CYP4F3: variants seen among roughly 807,000 people sequenced by gnomAD.
The protein encoded by CYP4F3 is cytochrome P450 family 4 subfamily F member 3.
Under a neutral mutation model 54.8 loss-of-function variants are expected in CYP4F3, and 50 were observed. The ratio of observed to expected loss-of-function variants is 0.91; its 90% confidence interval spans 0.73 to 1.16. The LOEUF (loss-of-function observed/expected upper bound fraction) is 1.16. Among genes scored for constraint, CYP4F3 ranks in the 50% most tolerant of loss-of-function variants. The pLI, the probability that CYP4F3 is intolerant of heterozygous loss-of-function variation, is 0.00. For missense variants in CYP4F3, 715 were observed against 676.2 expected, an observed-to-expected ratio of 1.06 and a Z score of -0.64; for synonymous variants, 244 against 262.6, an observed-to-expected ratio of 0.93 and a Z score of 0.69.
At chr19:15,644,051 G>T in intron 2 of CYP4F3, 5 of 1,577,328 alleles carry the variant, frequency 3.2e-6, no homozygotes, top group Non-Finnish European at 4.3e-6. Context: ...CAACGCCTCA[G>T]GTACCACCTG....
chr19:15,655,451 G>T (rs191374700), intron 9 of CYP4F3, among the ~76,000 whole-genome samples: 1 of 152,004 alleles, frequency 6.6e-6, no homozygotes, highest in Non-Finnish European at 1.5e-5. Flanking sequence ...CCCATGTCCC[G>T]GAGTATAAAA....
At position 15,649,376 on chromosome 19, in the gene CYP4F3, C is replaced by T. The variant is rs867212950; in HGVS notation, c.647+95C>T. On this transcript the variant is annotated intron_variant, in intron 6 of 12. Transcript: ENST00000221307. Reference sequence around the variant, plus strand: ...GACTGAGCAGGGAAATCAGACAAACCTTCTTGGAGGAGTTGTTATACCTGA... The same window carrying T: ...GACTGAGCAGGGAAATCAGACAAACTTTCTTGGAGGAGTTGTTATACCTGA... The T allele has an allele frequency of 6.9e-6, 11 of 1,588,072 alleles. No homozygotes were observed. In the African/African-American group the frequency reaches 1.1e-4, roughly 16 times the overall value.
intron 9 of CYP4F3, among the ~76,000 whole-genome samples, chr19:15,656,563 A>G (rs144868367): frequency 6.1e-4 from 91 of 148,892 alleles, no homozygotes; most frequent in South Asian, 1.9e-3. Flanking sequence ...TGATCTATCT[A>G]TCATCTATCA....
Position 15,643,966 on chromosome 19 carries a change from G to C in CYP4F3, c.199-1753G>C, listed in dbSNP as rs191577552. ...CTCAGCTGGTGGCCACCTACCCCCA[G>C]GGCTTTAAGGTCTGGATGGGCCCCA... On this transcript the variant is annotated intron_variant, in intron 2 of 12. Coordinates refer to ENST00000221307, the MANE Select transcript of CYP4F3 (RefSeq NM_000896.3). 153 of 1,606,572 alleles carry C rather than the reference G, an allele frequency of 9.5e-5. No individual in the cohort carries two copies. The East Asian group carries it at 2.9e-3, about 30-fold the overall frequency.
intron 2 of CYP4F3, among the ~76,000 whole-genome samples, chr19:15,642,822 T>TAAAC (rs749191279): frequency 5.7e-4 from 87 of 151,352 alleles, no homozygotes; most frequent in Non-Finnish European, 1.1e-3. Context: ...GGTGGGTAGA[T>TAAAC]AGACAGATAG....
intron 7 of CYP4F3, 96 bp from the exon 8 acceptor site, chr19:15,652,473 A>C (rs1005856472): frequency 7.8e-6 from 12 of 1,546,032 alleles, no homozygotes; most frequent in East Asian, 2.3e-5. Context: ...AAGAGGATGA[A>C]TCTTCAGAGA....
chr19:15,652,548 G>C, intron 7 of CYP4F3, 21 bp from the exon 8 acceptor site: 1 of 1,611,550 alleles, frequency 6.2e-7, no homozygotes. Context: ...TGGGGGTGGG[G>C]GGTTATTGCC....
chr19:15,650,800 TCTCTC>T (rs1568398249), intron 7 of CYP4F3, among the ~76,000 whole-genome samples: 1 of 37,452 alleles, frequency 2.7e-5, no homozygotes, highest in Non-Finnish European at 5.1e-5. Flanking sequence ...TCTTTCTTTC[TCTCTC>T]TTCTCTTTCT....
intron 2 of CYP4F3, among the ~76,000 whole-genome samples, chr19:15,643,331 T>C (rs73005792): frequency 0.18 from 23,914 of 134,212 alleles, 2,042 homozygotes; most frequent in Middle Eastern, 0.23. Flanking sequence ...GATAGATAGA[T>C]AGACAGATAG....
chr19:15,645,405 G>T (rs1456702461), intron 2 of CYP4F3, among the ~76,000 whole-genome samples: 2 of 152,220 alleles, frequency 1.3e-5, no homozygotes, highest in Non-Finnish European at 2.9e-5. Context: ...GTTTGCCATG[G>T]TCTGGGACTA....
intron 2 of CYP4F3, among the ~76,000 whole-genome samples, chr19:15,644,663 CT>C (rs1052840124): frequency 1.3e-5 from 2 of 152,190 alleles, no homozygotes; most frequent in Non-Finnish European, 2.9e-5. Context: ...GGGTCAAGTC[CT>C]TTTACCCCAT....
intron 5 of CYP4F3, among the ~76,000 whole-genome samples, chr19:15,647,821 G>A (rs1367019617): frequency 1.3e-5 from 2 of 152,152 alleles, no homozygotes; most frequent in African/African-American, 4.8e-5. Context: ...GCTTCAGACC[G>A]ATACAGATGG....
At chr19:15,653,349 C>T (rs1035688347) in intron 9 of CYP4F3, among the ~76,000 whole-genome samples, 1 of 152,136 alleles carries the variant, frequency 6.6e-6, no homozygotes, top group African/African-American at 2.4e-5. Flanking sequence ...TAAGGGAGAC[C>T]TGGGGGTAAA....
chr19:15,643,462 A>G (rs372916834), intron 2 of CYP4F3, among the ~76,000 whole-genome samples: 94 of 152,172 alleles, frequency 6.2e-4, no homozygotes, highest in African/African-American at 1.6e-3. Context: ...AGATAGACAG[A>G]CAGGCAGACA....
At chr19:15,657,592 G>T (rs1008661614) in intron 9 of CYP4F3, among the ~76,000 whole-genome samples, 2 of 152,130 alleles carry the variant, frequency 1.3e-5, no homozygotes, top group Non-Finnish European at 2.9e-5. Context: ...CAATATGACT[G>T]CAAATCCTTT....
rs749205010 is a variant in CYP4F3 at position 15,658,413 on chromosome 19, G to T, written c.1249+16G>T. 6 of 1,613,736 alleles carry T rather than the reference G, an allele frequency of 3.7e-6. No individual in the cohort carries two copies. Among genetic ancestry groups the T allele is most frequent in the Middle Eastern group, 1.7e-4 (1 of 6,060 alleles). ...ATCCCCAAAGGTGCCACAGCCTCAG[G>T]GGGAGGAGCCTCCTGGGTAGGAAGA... On this transcript the variant is annotated intron_variant, in intron 10 of 12. Transcript: ENST00000221307.
rs904187251 is a variant in CYP4F3, at chr19:15,645,403, T to C, written c.199-316T>C. Among the ~76,000 whole-genome samples, 14 of 152,336 alleles carry C rather than the reference T, an allele frequency of 9.2e-5. No homozygotes were observed. In the East Asian group the frequency reaches 2.1e-3, roughly 23 times the overall value. ...CCAGTCTCAGGCCTCAGGTTTGCCATGGTCTGGGACTATGGGCAAATTACT... is the reference window on the plus strand; with the variant it reads ...CCAGTCTCAGGCCTCAGGTTTGCCACGGTCTGGGACTATGGGCAAATTACT... On this transcript the variant is annotated intron_variant, in intron 2 of 12. Coordinates refer to ENST00000221307, the MANE Select transcript of CYP4F3 (RefSeq NM_000896.3).
At chr19:15,653,792 T>A (rs1233146079) in intron 9 of CYP4F3, among the ~76,000 whole-genome samples, 3 of 115,868 alleles carry the variant, frequency 2.6e-5, no homozygotes, top group South Asian at 2.8e-4. Context: ...GAGAGCAGGG[T>A]CAGGACAGAA....
rs779696597 is a variant in CYP4F3, at chr19:15,650,291, G to T, written c.918+108G>T. The T allele has an allele frequency of 5.6e-6, 9 of 1,603,472 alleles. No individual in the cohort carries two copies. In the South Asian group the frequency reaches 8.9e-5, roughly 16 times the overall value. On this transcript the variant is annotated intron_variant, in intron 7 of 12. Transcript: ENST00000221307. ...AGAGGGCACTGGGGAGCCATGGAAG[G>T]TGATTGAGGAAGGGAGGGACAGGTC...
Sources: allele counts gnomAD v4.1 joint callset (sites outside exome capture counted in the v4.1 genomes callset), GRCh38; gene constraint gnomAD v4.1.1; transcripts MANE v1.5; gene names NCBI Gene and HGNC (gene_info 2026-07-23, HGNC 2026-07-21).